SCUBE1: variants seen among roughly 807,000 people sequenced by gnomAD.
SCUBE1 encodes the protein signal peptide, CUB and EGF-like domain-containing protein 1.
Under a neutral mutation model 124.4 loss-of-function variants are expected in SCUBE1, and 59 were observed. That is an observed-to-expected ratio of 0.47 (90% CI 0.38 to 0.59). SCUBE1 has a LOEUF of 0.59. SCUBE1 is among the 20% of genes least tolerant of loss of function. The pLI is 0.00. For synonymous variants in SCUBE1, 545 were observed against 550.9 expected, an observed-to-expected ratio of 0.99 and a Z score of 0.15; for missense variants, 1,150 against 1,371.2, an observed-to-expected ratio of 0.84 and a Z score of 2.55.
At position 43,296,754 on chromosome 22, in the gene SCUBE1, C is replaced by G. The variant is rs978128606; in HGVS notation, c.350-5574G>C. On this transcript the variant is annotated intron_variant, in intron 3 of 21. Transcript: ENST00000360835. ...TGCCATCGAACCGCCGGAGCCCTTC[C>G]CTCTTCCGGGCCAAGGCTGAAATGG... Among the ~76,000 whole-genome samples, 3 of 147,690 alleles carry G rather than the reference C, an allele frequency of 2.0e-5. No homozygotes were observed. In the East Asian group the frequency reaches 5.9e-4, roughly 29 times the overall value.
intron 15 of SCUBE1, among the ~76,000 whole-genome samples, chr22:43,215,738 C>T (rs1001117691): frequency 3.3e-5 from 5 of 152,096 alleles, no homozygotes; most frequent in Non-Finnish European, 7.4e-5. Flanking sequence ...AGGGGAGAAG[C>T]GGCTCCAGAC....
intron 4 of SCUBE1, chr22:43,272,407 C>T (rs1020953465): frequency 6.6e-6 from 1 of 152,226 alleles, no homozygotes; most frequent in African/African-American, 2.4e-5. Flanking sequence ...GTGCACAGGC[C>T]TTGGCTCAGC....
chr22:43,320,914 T>A (rs73886599), intron 2 of SCUBE1, among the ~76,000 whole-genome samples: 3 of 152,112 alleles, frequency 2.0e-5, no homozygotes, highest in Non-Finnish European at 4.4e-5. Flanking sequence ...CCTGGCGTCC[T>A]TGGGAGGGCA....
chr22:43,255,829 G>A lies in SCUBE1; in HGVS notation c.727+2390C>T, dbSNP rs1233617568. On this transcript the variant is annotated intron_variant, in intron 6 of 21. Coordinates refer to ENST00000360835, the MANE Select transcript of SCUBE1 (RefSeq NM_173050.5). The surrounding 1 kb of genome is among the most constrained non-coding windows in gnomAD (Gnocchi z 4.7). ...GAGGAATGACCACAAAGTGACCTGG[G>A]ACACAGAGGGGACTCAGGGCCCATG... Among the ~76,000 whole-genome samples, 1 of 152,214 alleles carries A rather than the reference G, an allele frequency of 6.6e-6. No individual in the cohort carries two copies. The highest frequency in any genetic ancestry group is 1.5e-5 in the Non-Finnish European group (1 of 68,036).
chr22:43,223,634 G>A (rs866877440), intron 10 of SCUBE1, among the ~76,000 whole-genome samples: 1 of 152,200 alleles, frequency 6.6e-6, no homozygotes, highest in African/African-American at 2.4e-5. Context: ...CAGCCATCAG[G>A]TGTCTGGAGA....
intron 2 of SCUBE1, among the ~76,000 whole-genome samples, chr22:43,321,056 C>A (rs994971236): frequency 6.6e-6 from 1 of 152,148 alleles, no homozygotes; most frequent in Non-Finnish European, 1.5e-5. Context: ...CTCCGAGACA[C>A]GATGGGGAGA....
chr22:43,253,530 T>A (rs890922164), intron 6 of SCUBE1, among the ~76,000 whole-genome samples: 1 of 151,260 alleles, frequency 6.6e-6, no homozygotes, highest in African/African-American at 2.4e-5. Flanking sequence ...CAGGGGAGGG[T>A]CCCCACCCAG....
chr22:43,294,644 C>T (rs1358791762), intron 3 of SCUBE1, among the ~76,000 whole-genome samples: 1 of 152,258 alleles, frequency 6.6e-6, no homozygotes, highest in Non-Finnish European at 1.5e-5. Flanking sequence ...GGGCGATGCC[C>T]AGGCCTTATC....
chr22:43,221,279 G>A lies in SCUBE1; in HGVS notation c.1443C>T (p.Thr481=). 4.3e-6 allele frequency: 7 copies of A among 1,609,560 alleles called. No individual in the cohort carries two copies. Among genetic ancestry groups the A allele is most frequent in the Non-Finnish European group, 5.9e-6 (7 of 1,179,714 alleles). The change falls in exon 13 of 22, where the codon ACC becomes ACT. Residue 481 remains threonine, a synonymous_variant. Transcript: ENST00000360835. ...GLGPSCSDAP[T]TPIKQKARFK... ...AGCGGGCCTTCTGTTTGATGGGGGT[G>A]GTGGGGGCATCTGGGGAAAGCCAAA...
In SCUBE1 at chr22:43,281,506, TCCTCCTCAGCCACCCTCCTGTCAC is replaced by T. The variant is rs1569010892; in HGVS notation, c.484+9516_484+9539del. On this transcript the variant is annotated intron_variant, in intron 4 of 21. Coordinates refer to ENST00000360835, the MANE Select transcript of SCUBE1 (RefSeq NM_173050.5). Reference sequence around the variant, plus strand: ...CCTCTTTGGCCACCCTCCTGTCACCTCCTCCTCAGCCACCCTCCTGTCACCTCCCTCAGTCACCCTCCTGTCACC... The same window carrying T: ...CCTCTTTGGCCACCCTCCTGTCACCTCTCCCTCAGTCACCCTCCTGTCACC... Among the ~76,000 whole-genome samples the T allele has an allele frequency of 1.3e-4, 6 of 46,174 alleles. No individual in the cohort carries two copies. The East Asian group carries it at 8.4e-3, about 65-fold the overall frequency. 30.3% of individuals were successfully genotyped at this position (46,174 alleles called of 152,430 possible). A position where few individuals can be genotyped will look rare whatever the true frequency, so the allele number is the denominator to read the frequency against.
chr22:43,318,632 A>G (rs1926433508), intron 3 of SCUBE1, among the ~76,000 whole-genome samples: 1 of 152,242 alleles, frequency 6.6e-6, no homozygotes, highest in Admixed American at 6.5e-5. Flanking sequence ...GAAGACTGAT[A>G]GAAAACACAC....
intron 6 of SCUBE1, among the ~76,000 whole-genome samples, chr22:43,256,551 G>A (rs1262163798): frequency 6.6e-6 from 1 of 152,184 alleles, no homozygotes; most frequent in Non-Finnish European, 1.5e-5. Flanking sequence ...GAGGGAAGGT[G>A]GGGCTGGGGA....
intron 2 of SCUBE1, among the ~76,000 whole-genome samples, chr22:43,333,326 T>A (rs904200643): frequency 2.0e-5 from 3 of 152,196 alleles, no homozygotes; most frequent in African/African-American, 7.2e-5. Context: ...TCTACCGGCA[T>A]TAGGCTGACC....
chr22:43,228,259 G>A (rs1922405599), intron 9 of SCUBE1, among the ~76,000 whole-genome samples: 1 of 152,098 alleles, frequency 6.6e-6, no homozygotes, highest in South Asian at 2.1e-4. Flanking sequence ...ATAACACCAA[G>A]TCCCAGCAGC....
At position 43,210,310 on chromosome 22, in the gene SCUBE1, AACC is replaced by A; in HGVS notation, c.2384-73_2384-71del. 8.8e-6 allele frequency: 12 copies of A among 1,364,914 alleles called. No individual in the cohort carries two copies. Among genetic ancestry groups the A allele is most frequent in the Non-Finnish European group, 1.2e-5 (12 of 1,029,444 alleles). 84.6% of individuals were successfully genotyped at this position (1,364,914 alleles called of 1,614,324 possible). A position where few individuals can be genotyped will look rare whatever the true frequency, so the allele number is the denominator to read the frequency against. On this transcript the variant is annotated intron_variant, in intron 18 of 21. Coordinates refer to ENST00000360835, the MANE Select transcript of SCUBE1 (RefSeq NM_173050.5). The surrounding 1 kb of genome is among the most constrained non-coding windows in gnomAD (Gnocchi z 4.5). ...AGGGGCCCTGGCCGGCCAGGCCTCT[AACC>A]ACCTGGGAGGCCTAGGGCAGGGCTG...
chr22:43,235,430 G>A (rs953092432), intron 7 of SCUBE1, among the ~76,000 whole-genome samples: 18 of 152,208 alleles, frequency 1.2e-4, no homozygotes, highest in Admixed American at 3.9e-4. Context: ...GGAGTGCCCA[G>A]CAGGGAGGGC....
intron 3 of SCUBE1, among the ~76,000 whole-genome samples, chr22:43,308,900 G>A (rs12167014): frequency 0.03 from 4,517 of 152,368 alleles, 201 homozygotes; most frequent in African/African-American, 0.097. Context: ...ATGAGATGAT[G>A]TGTCCCAAGT....
At chr22:43,214,010 C>CGACAGGAGGGCCTCATCAGA in intron 16 of SCUBE1, 80 bp downstream of exon 16, 1 of 1,310,902 alleles carries the variant, frequency 7.6e-7, no homozygotes, top group African/African-American at 1.5e-5. Flanking sequence ...CCTGGGCCTT[C>CGACAGGAGGGCCTCATCAGA]GACAGGAGGG....
rs150662933 is a variant in SCUBE1, at chr22:43,201,714, C to G, written c.*2283G>C. 1 of 152,122 alleles carries G rather than the reference C, an allele frequency of 6.6e-6. No homozygotes were observed. Among genetic ancestry groups the G allele is most frequent in the Non-Finnish European group, 1.5e-5 (1 of 68,046 alleles). 9.4% of individuals were successfully genotyped at this position (152,122 alleles called of 1,614,324 possible). A position where few individuals can be genotyped will look rare whatever the true frequency, so the allele number is the denominator to read the frequency against. ...GGTCTCCCAATCGCAGACAGCCGAT[C>G]GTGGGACTTGTTGGCCTCCAGAATC... On this transcript the variant is annotated 3_prime_UTR_variant, in exon 22 of 22. Transcript: ENST00000360835.
Sources: allele counts gnomAD v4.1 joint callset (sites outside exome capture counted in the v4.1 genomes callset), GRCh38; gene constraint gnomAD v4.1.1; non-coding constraint Gnocchi (gnomAD v3.1); transcripts MANE v1.5; gene names NCBI Gene and HGNC (gene_info 2026-07-23, HGNC 2026-07-21).